UNC5D: variants seen among roughly 807,000 people sequenced by gnomAD.
UNC5D encodes unc-5 netrin receptor D.
In UNC5D, 39 loss-of-function variants were observed where a neutral mutation model predicts 105.4. The ratio of observed to expected loss-of-function variants is 0.37; its 90% CI spans 0.29 to 0.48. UNC5D has a LOEUF of 0.48. Ranked by LOEUF, UNC5D falls within the 20% of genes least tolerant of loss-of-function variation. UNC5D has a pLI of 0.98. For missense variants in UNC5D, 991 were observed against 1,202.4 expected, an observed-to-expected ratio of 0.82 and a Z score of 2.60; for synonymous variants, 452 against 450.4, an observed-to-expected ratio of 1.00 and a Z score of -0.04.
intron 3 of UNC5D, among the ~76,000 whole-genome samples, chr8:35,592,819 C>T (rs1819252578): frequency 6.6e-6 from 1 of 152,098 alleles, no homozygotes; most frequent in South Asian, 2.1e-4. Context: ...CCCTGTCCCC[C>T]AGTCATTGCC....
chr8:35,634,649 CAG>C (rs930215928), intron 4 of UNC5D, among the ~76,000 whole-genome samples: 11 of 152,068 alleles, frequency 7.2e-5, no homozygotes, highest in Non-Finnish European at 1.5e-4. Flanking sequence ...GGGGAAAAAA[CAG>C]ACAATGGGAT....
intron 1 of UNC5D, among the ~76,000 whole-genome samples, chr8:35,504,378 G>C (rs1310644837): frequency 1.3e-5 from 2 of 152,162 alleles, no homozygotes; most frequent in Non-Finnish European, 2.9e-5. Context: ...CCTCTCATGG[G>C]TGCTATGCAG....
intron 8 of UNC5D, among the ~76,000 whole-genome samples, chr8:35,709,638 C>T (rs767543049): frequency 2.6e-5 from 4 of 151,864 alleles, no homozygotes; most frequent in Admixed American, 6.6e-5. Flanking sequence ...TGCAGTGAGC[C>T]GAGATTGCAC....
intron 10 of UNC5D, among the ~76,000 whole-genome samples, chr8:35,728,034 C>A (rs371695020): frequency 8.3e-6 from 1 of 120,398 alleles, no homozygotes; most frequent in Non-Finnish European, 1.6e-5. Flanking sequence ...TCTAGGAATT[C>A]GAGACCAGCG....
At chr8:35,308,967 G>A (rs1196917436) in intron 1 of UNC5D, among the ~76,000 whole-genome samples, 1 of 152,122 alleles carries the variant, frequency 6.6e-6, no homozygotes, top group African/African-American at 2.4e-5. Flanking sequence ...GTAAAAGGGA[G>A]GAGAGAGCCC....
At chr8:35,289,014 A>T (rs2128859085) in intron 1 of UNC5D, among the ~76,000 whole-genome samples, 1 of 152,312 alleles carries the variant, frequency 6.6e-6, no homozygotes, top group East Asian at 1.9e-4. Flanking sequence ...ATCAATAATT[A>T]CCTTGAATAT....
intron 3 of UNC5D, among the ~76,000 whole-genome samples, chr8:35,584,345 A>G (rs1369989760): frequency 6.6e-6 from 1 of 151,806 alleles, no homozygotes; most frequent in Non-Finnish European, 1.5e-5. Context: ...TAAGAGGATC[A>G]TGAAATAACT....
chr8:35,529,915 A>G (rs1304478645), intron 1 of UNC5D, among the ~76,000 whole-genome samples: 1 of 150,736 alleles, frequency 6.6e-6, no homozygotes, highest in African/African-American at 2.4e-5. Flanking sequence ...GACTTTGCTG[A>G]AGTTGCTTAT....
At chr8:35,665,843 ATATT>A (rs1234498116) in intron 4 of UNC5D, among the ~76,000 whole-genome samples, 3 of 152,044 alleles carry the variant, frequency 2.0e-5, no homozygotes, top group African/African-American at 7.2e-5. Flanking sequence ...TTTTAACCCT[ATATT>A]TGTTTAATTA....
At chr8:35,760,445 C>G (rs1219927055) in intron 14 of UNC5D, among the ~76,000 whole-genome samples, 5 of 152,040 alleles carry the variant, frequency 3.3e-5, no homozygotes, top group African/African-American at 1.2e-4. Context: ...TTCAGGGAGA[C>G]TCAGAATCTC....
chr8:35,779,011 G>A (rs1350717325), intron 16 of UNC5D, among the ~76,000 whole-genome samples: 2 of 152,208 alleles, frequency 1.3e-5, no homozygotes, highest in African/African-American at 2.4e-5. Flanking sequence ...AAGCTACACA[G>A]CCTAGCAAAG....
At chr8:35,506,629 G>A (rs572024531) in intron 1 of UNC5D, among the ~76,000 whole-genome samples, 78 of 152,322 alleles carry the variant, frequency 5.1e-4, no homozygotes, top group African/African-American at 1.7e-3. Context: ...GAAGTATTTC[G>A]GAATCTAAAG....
At chr8:35,544,283 G>A in intron 1 of UNC5D, 1 of 1,240,826 alleles carries the variant, frequency 8.1e-7, no homozygotes, top group Non-Finnish European at 1.1e-6. Context: ...ATGGCATTAG[G>A]ATTTAATTAA....
intron 1 of UNC5D, among the ~76,000 whole-genome samples, chr8:35,453,637 A>G (rs921337686): frequency 5.9e-5 from 9 of 152,190 alleles, no homozygotes; most frequent in African/African-American, 1.9e-4. Context: ...GCATTTTCTC[A>G]GTTAATTTCT....
intron 1 of UNC5D, among the ~76,000 whole-genome samples, chr8:35,380,644 G>A (rs1182517363): frequency 6.6e-6 from 1 of 151,842 alleles, no homozygotes; most frequent in Non-Finnish European, 1.5e-5. Flanking sequence ...TTAGAAAGTC[G>A]AAAGCAAAGC....
At chr8:35,354,207 C>T (rs926054104) in intron 1 of UNC5D, among the ~76,000 whole-genome samples, 8 of 151,956 alleles carry the variant, frequency 5.3e-5, no homozygotes, top group East Asian at 1.9e-4. Context: ...GGTTCCAGTA[C>T]GAATAAGATG....
intron 4 of UNC5D, among the ~76,000 whole-genome samples, chr8:35,631,157 C>G (rs1426219283): frequency 6.6e-6 from 1 of 152,028 alleles, no homozygotes; most frequent in East Asian, 1.9e-4. Context: ...TACCAAAATA[C>G]AAATAATTAA....
intron 1 of UNC5D, among the ~76,000 whole-genome samples, chr8:35,534,405 T>C (rs937216865): frequency 1.3e-5 from 2 of 152,072 alleles, no homozygotes; most frequent in African/African-American, 2.4e-5. Flanking sequence ...TTTGCAGTTA[T>C]GATGTTAAAT....
At chr8:35,666,761 G>T (rs1824447258) in intron 4 of UNC5D, among the ~76,000 whole-genome samples, 1 of 152,114 alleles carries the variant, frequency 6.6e-6, no homozygotes, top group Non-Finnish European at 1.5e-5. Context: ...GAAATAAACT[G>T]AAATGAAAAC....
Sources: gnomAD v4.1 joint callset for allele counts (sites outside exome capture counted in the v4.1 genomes callset) on GRCh38, gnomAD v4.1.1 for gene constraint, MANE v1.5 for transcripts, NCBI Gene and HGNC (gene_info 2026-07-23, HGNC 2026-07-21) for gene names.